Variants in PDGFD observed in about 807,000 individuals in gnomAD.
PDGFD encodes the protein platelet derived growth factor D, also known as platelet-derived growth factor D.
Under a neutral mutation model 44.7 loss-of-function variants are expected in PDGFD, and 30 were observed. The observed-to-expected ratio is 0.67, with a 90% CI of 0.50 to 0.91. The LOEUF is 0.91. Among genes scored for constraint, PDGFD ranks in the 40% least tolerant of loss-of-function variants. The pLI is 0.00. For missense variants in PDGFD, 445 were observed against 457.8 expected (o/e 0.97, Z 0.25); for synonymous variants, 173 against 168.4 (o/e 1.03, Z -0.21).
chr11:104,022,049 A>G (rs1265765168), intron 1 of PDGFD, among the ~76,000 whole-genome samples: 1 of 152,188 alleles, frequency 6.6e-6, no homozygotes, highest in African/African-American at 2.4e-5. Context: ...ACAAAAAGAG[A>G]ACATAAGCAC....
At chr11:104,152,652 G>A (rs1329067562) in intron 1 of PDGFD, among the ~76,000 whole-genome samples, 1 of 151,956 alleles carries the variant, frequency 6.6e-6, no homozygotes, top group Admixed American at 6.6e-5. Flanking sequence ...TCTGGTTAGT[G>A]TTTTTTGTTT....
chr11:103,927,685 T>G (rs1210549694), intron 5 of PDGFD, among the ~76,000 whole-genome samples: 1 of 152,222 alleles, frequency 6.6e-6, no homozygotes, highest in Non-Finnish European at 1.5e-5. Context: ...AATGATTTTT[T>G]TGTGTGTGAA....
At chr11:103,970,439 G>A (rs1273368092) in intron 3 of PDGFD, among the ~76,000 whole-genome samples, 1 of 152,032 alleles carries the variant, frequency 6.6e-6, no homozygotes, top group Non-Finnish European at 1.5e-5. Flanking sequence ...ATACTTCAAA[G>A]GTGCCAATAA....
At chr11:103,916,605 T>C (rs577971538) in intron 6 of PDGFD, among the ~76,000 whole-genome samples, 3 of 152,204 alleles carry the variant, frequency 2.0e-5, no homozygotes, top group Non-Finnish European at 4.4e-5. Context: ...CCCAAAGGAA[T>C]ATAAATCATT....
chr11:104,079,864 T>C (rs533524311), intron 1 of PDGFD, among the ~76,000 whole-genome samples: 1 of 152,316 alleles, frequency 6.6e-6, no homozygotes, highest in East Asian at 1.9e-4. Flanking sequence ...GCTGAAAATA[T>C]GATTTAATGG....
chr11:104,106,230 T>A (rs1248397950), intron 1 of PDGFD, among the ~76,000 whole-genome samples: 1 of 152,204 alleles, frequency 6.6e-6, no homozygotes, highest in Non-Finnish European at 1.5e-5. Flanking sequence ...GTAATTCCAA[T>A]TTTCAGCACT....
At chr11:103,994,768 C>T (rs1394542554) in intron 3 of PDGFD, among the ~76,000 whole-genome samples, 1 of 151,812 alleles carries the variant, frequency 6.6e-6, no homozygotes, top group Non-Finnish European at 1.5e-5. Flanking sequence ...CTGAAGGATT[C>T]TGGGATATTT....
In PDGFD at chr11:103,943,467, C is replaced by T; in HGVS notation, c.757G>A (p.Asp253Asn). 1 of 1,612,250 alleles carries T rather than the reference C, an allele frequency of 6.2e-7. No homozygotes were observed. The highest frequency in any genetic ancestry group is 8.5e-7 in the Non-Finnish European group (1 of 1,179,260). ...TGTCTCTTACCTTTTGACTTCCGGT[C>T]ATGGTATGACCTGCCTCGATACCGA... ...TPRYRGRSYH[D>N]RKSKVDLDRL... The change falls in exon 5 of 7, where the codon GAC becomes AAC. Residue 253 changes from aspartate to asparagine, a missense_variant. By Grantham distance (23) the Asp-to-Asn change is conservative. Coordinates refer to ENST00000393158, the MANE Select transcript of PDGFD (RefSeq NM_025208.5).
At chr11:104,119,825 C>G (rs1367312487) in intron 1 of PDGFD, among the ~76,000 whole-genome samples, 1 of 110,444 alleles carries the variant, frequency 9.1e-6, no homozygotes, top group Non-Finnish European at 1.7e-5. Context: ...TAATTATGTA[C>G]TATATAATCA....
chr11:103,912,169 CAT>C (rs1244656116), intron 6 of PDGFD, among the ~76,000 whole-genome samples: 2 of 152,130 alleles, frequency 1.3e-5, no homozygotes, highest in African/African-American at 4.8e-5. Flanking sequence ...TCCCAAGACA[CAT>C]AATCTTCAGA....
chr11:104,158,239 G>A (rs939521825), intron 1 of PDGFD, among the ~76,000 whole-genome samples: 9 of 152,232 alleles, frequency 5.9e-5, no homozygotes, highest in African/African-American at 2.2e-4. Flanking sequence ...ATGTGAAGAA[G>A]AAGTGTGATA....
chr11:104,145,005 C>T (rs1030469847), intron 1 of PDGFD, among the ~76,000 whole-genome samples: 3 of 152,194 alleles, frequency 2.0e-5, no homozygotes, highest in African/African-American at 7.2e-5. Flanking sequence ...AAATACCCTG[C>T]TTGCCTTACC....
intron 1 of PDGFD, among the ~76,000 whole-genome samples, chr11:104,153,870 C>T (rs1405289984): frequency 6.6e-6 from 1 of 151,958 alleles, no homozygotes; most frequent in East Asian, 1.9e-4. Flanking sequence ...AAAGATCGAT[C>T]CTCCAGAGAG....
intron 1 of PDGFD, among the ~76,000 whole-genome samples, chr11:104,132,752 G>C (rs75183699): frequency 0.08 from 12,203 of 152,038 alleles, 640 homozygotes; most frequent in East Asian, 0.24. Context: ...CTGTGGGACA[G>C]GAAATGGAGA....
rs80139615 is a variant in PDGFD, at chr11:104,048,345, A to T, written c.125-48090T>A. 2.6e-3 allele frequency among the ~76,000 whole-genome samples: 396 copies of T among 151,960 alleles called. 2 individuals are homozygous for T. The highest frequency in any genetic ancestry group is 9.3e-3 in the African/African-American group (385 of 41,436). ...TATAGAAGCAACTAGATAGAGCGAA[A>T]CATTCAAGCCCCAGTTCTGATTCTG... On this transcript the variant is annotated intron_variant, in intron 1 of 6. Coordinates refer to ENST00000393158, the MANE Select transcript of PDGFD (RefSeq NM_025208.5).
intron 6 of PDGFD, among the ~76,000 whole-genome samples, chr11:103,910,718 C>A (rs184341700): frequency 2.0e-3 from 303 of 152,340 alleles, no homozygotes; most frequent in African/African-American, 6.9e-3. Flanking sequence ...ATTTTTCATA[C>A]CCCAGTGGCG....
chr11:104,152,004 T>C (rs1441033858), intron 1 of PDGFD, among the ~76,000 whole-genome samples: 4 of 152,170 alleles, frequency 2.6e-5, no homozygotes. Flanking sequence ...TATTCACATA[T>C]GTGTTTTCTC....
At chr11:104,015,518 C>T (rs1018911322) in intron 1 of PDGFD, among the ~76,000 whole-genome samples, 2 of 152,018 alleles carry the variant, frequency 1.3e-5, no homozygotes, top group African/African-American at 4.8e-5. Flanking sequence ...ATCTGGAATA[C>T]AAAAAATGAT....
At chr11:104,122,180 CA>C (rs112078042) in intron 1 of PDGFD, among the ~76,000 whole-genome samples, 19,409 of 151,908 alleles carry the variant, frequency 0.13, 1,357 homozygotes, top group East Asian at 0.29. Context: ...GAAGCTTGCA[CA>C]GGGGAATGCT....
Sources: allele counts gnomAD v4.1 joint callset (sites outside exome capture counted in the v4.1 genomes callset), GRCh38; gene constraint gnomAD v4.1.1; transcripts MANE v1.5; gene names NCBI Gene and HGNC (gene_info 2026-07-23, HGNC 2026-07-21).